Variants in ABCC11 observed in about 807,000 individuals in gnomAD.
ABCC11 encodes ATP-binding cassette sub-family C member 11.
A neutral mutation model predicts 149.3 loss-of-function variants in ABCC11; 135 were observed. The observed-to-expected ratio is 0.90, with a 90% CI of 0.79 to 1.04. The LOEUF (loss-of-function observed/expected upper bound fraction) is 1.04. ABCC11 is among the 50% of genes least tolerant of loss of function. ABCC11 has a pLI of 0.00. For synonymous variants in ABCC11, 665 were observed against 671.4 expected (o/e 0.99, Z 0.15); for missense variants, 1,680 against 1,722.1 (o/e 0.98, Z 0.43).
Position 48,166,653 on chromosome 16 carries a change from C to A in ABCC11, c.*621G>T, listed in dbSNP as rs553614099. The stretch of plus-strand genomic sequence containing the variant: ...CAGCACTTTGGGAGGCCAAGGCAAG[C>A]GGATCACTTGAGATCAGCCTGGCCA... On this transcript the variant is annotated 3_prime_UTR_variant, in exon 30 of 30. Coordinates refer to ENST00000356608, the MANE Select transcript of ABCC11 (RefSeq NM_001370497.1). Among the ~76,000 whole-genome samples the A allele has an allele frequency of 2.1e-4, 32 of 152,180 alleles. 1 individual carries two copies. In the South Asian group the frequency reaches 6.6e-3, roughly 32 times the overall value.
At chr16:48,236,094 AC>A (rs1374694868) in intron 1 of ABCC11, among the ~76,000 whole-genome samples, 1 of 152,042 alleles carries the variant, frequency 6.6e-6, no homozygotes, top group Non-Finnish European at 1.5e-5. Context: ...CTCCTCCTGT[AC>A]CTCGCCCTGT....
intron 1 of ABCC11, among the ~76,000 whole-genome samples, chr16:48,239,870 T>C (rs112399988): frequency 0.014 from 2,098 of 152,180 alleles, 49 homozygotes; most frequent in African/African-American, 0.048. Flanking sequence ...GCAAAGGACA[T>C]GAACAGACAC....
intron 11 of ABCC11, chr16:48,210,435 C>T (rs1968822499): frequency 6.5e-6 from 1 of 153,926 alleles, no homozygotes. Flanking sequence ...AGATCAATAT[C>T]TATATCTATT....
chr16:48,175,165 G>T, intron 26 of ABCC11, 93 bp downstream of exon 26: 1 of 1,476,002 alleles, frequency 6.8e-7, no homozygotes. Context: ...GGAAATCGGG[G>T]CATTGGTCAC....
At chr16:48,201,934 G>A (rs1250291270) in intron 14 of ABCC11, among the ~76,000 whole-genome samples, 1 of 152,186 alleles carries the variant, frequency 6.6e-6, no homozygotes, top group African/African-American at 2.4e-5. Context: ...ACTGCTTGAA[G>A]TCTCTGTAGA....
At position 48,186,981 on chromosome 16, in the gene ABCC11, A is replaced by C. The variant is rs370070344; in HGVS notation, c.3043T>G (p.Tyr1015Asp). The C allele has an allele frequency of 7.4e-6, 12 of 1,613,996 alleles. No homozygotes were observed. Among genetic ancestry groups the C allele is most frequent in the South Asian group, 1.1e-5 (1 of 91,070 alleles). The change falls in exon 22 of 30, where the codon TAT (tyrosine) becomes GAT (aspartate). Residue 1015 changes from tyrosine to aspartate, a missense_variant. Coordinates refer to ENST00000356608, the MANE Select transcript of ABCC11 (RefSeq NM_001370497.1). The stretch of plus-strand genomic sequence containing the variant: ...CTGATGAAGTCTTCAGTTTTTCCAT[A>C]GACATGGATGGAGCTCAGGCCTTGC... Reference protein sequence around the residue: ...SLQGLSSIHVYGKTEDFISQF... With the variant: ...SLQGLSSIHVDGKTEDFISQF...
intron 19 of ABCC11, among the ~76,000 whole-genome samples, chr16:48,193,443 A>T (rs915571049): frequency 1.3e-5 from 2 of 152,142 alleles, no homozygotes; most frequent in African/African-American, 4.8e-5. Context: ...GGAAAAATGG[A>T]GACAGTGGAA....
At chr16:48,229,533 C>T (rs1320349725) in intron 3 of ABCC11, among the ~76,000 whole-genome samples, 2 of 143,090 alleles carry the variant, frequency 1.4e-5, no homozygotes, top group African/African-American at 2.7e-5. Flanking sequence ...GGCGCAATCT[C>T]GGCTCACTGC....
Position 48,228,348 on chromosome 16 carries a change from C to A in ABCC11, c.237-384G>T, listed in dbSNP as rs746708130. The stretch of plus-strand genomic sequence containing the variant: ...GTGGCTCATGCCTATAATCCCAGCA[C>A]TTTGGGAGGCCGAGGAGGGTGGATC... On this transcript the variant is annotated intron_variant, in intron 3 of 29. Coordinates refer to ENST00000356608, the MANE Select transcript of ABCC11 (RefSeq NM_001370497.1). Among the ~76,000 whole-genome samples, 44 of 151,962 alleles carry A rather than the reference C, an allele frequency of 2.9e-4. 1 individual carries two copies. Among genetic ancestry groups the A allele is most frequent in the Admixed American group, 2.9e-3 (44 of 15,260 alleles).
chr16:48,247,231 A>T, intron 1 of ABCC11, 83 bp downstream of exon 1: 1 of 7,112 alleles, frequency 1.4e-4, no homozygotes, highest in Admixed American at 2.1e-3. Context: ...AAAAAAAAAA[A>T]AAAAAGGCTT....
chr16:48,179,642 G>A (rs992262146), intron 23 of ABCC11, among the ~76,000 whole-genome samples: 2 of 152,214 alleles, frequency 1.3e-5, no homozygotes, highest in African/African-American at 4.8e-5. Context: ...TGGAAAGGCA[G>A]ACAAGGCAAC....
chr16:48,188,243 AG>A (rs1966842385), intron 20 of ABCC11, among the ~76,000 whole-genome samples: 1 of 152,208 alleles, frequency 6.6e-6, no homozygotes, highest in Non-Finnish European at 1.5e-5. Flanking sequence ...ACTTCAGTAA[AG>A]CTGTTTTCTT....
At chr16:48,210,232 A>C (rs531784658) in intron 11 of ABCC11, 1 of 152,330 alleles carries the variant, frequency 6.6e-6, no homozygotes, top group East Asian at 1.9e-4. Flanking sequence ...GATATTAAAT[A>C]GGCAGTTGAG....
chr16:48,202,783 G>A (rs2150828715), intron 14 of ABCC11, among the ~76,000 whole-genome samples: 1 of 152,266 alleles, frequency 6.6e-6, no homozygotes, highest in Admixed American at 6.5e-5. Context: ...TATCAAGAAG[G>A]CAATGCCACT....
chr16:48,228,094 G>A (rs1970195578), intron 3 of ABCC11, 130 bp from the exon 4 acceptor site: 2 of 887,556 alleles, frequency 2.3e-6, no homozygotes, highest in African/African-American at 1.7e-5. Flanking sequence ...ACTCTTATTT[G>A]TAAGTTGAAA....
chr16:48,203,168 G>A (rs1226306486), intron 14 of ABCC11, 60 bp downstream of exon 14: 1 of 1,474,718 alleles, frequency 6.8e-7, no homozygotes, highest in African/African-American at 1.4e-5. Flanking sequence ...GCCTGGGGAG[G>A]CAGCATGAAC....
Position 48,222,699 on chromosome 16 carries a change from T to C in ABCC11, c.676A>G (p.Ile226Val), listed in dbSNP as rs756612533. The C allele has an allele frequency of 1.9e-6, 3 of 1,614,204 alleles. No individual in the cohort carries two copies. Among genetic ancestry groups the C allele is most frequent in the Non-Finnish European group, 2.5e-6 (3 of 1,180,036 alleles). Residue 226 changes from isoleucine (I) to valine (V), a missense_variant, in exon 6 of 30, where the codon ATC becomes GTC. Ile to Val is a conservative substitution (Grantham distance 29). Transcript: ENST00000356608. Reference protein sequence around the residue: ...KSLSFSSSWIINQRTAIRFRA... With the variant: ...KSLSFSSSWIVNQRTAIRFRA... ...AACCTGATGGCTGTGCGTTGGTTGATGATCCAACTGGAGGAGAAACTCAGA... is the reference window on the plus strand; with the variant it reads ...AACCTGATGGCTGTGCGTTGGTTGACGATCCAACTGGAGGAGAAACTCAGA...
intron 1 of ABCC11, among the ~76,000 whole-genome samples, chr16:48,243,746 C>G (rs1459310095): frequency 6.6e-6 from 1 of 152,158 alleles, no homozygotes; most frequent in Non-Finnish European, 1.5e-5. Flanking sequence ...AATCCCAGCA[C>G]TTTGGGAGGC....
chr16:48,168,901 G>A (rs1160751931), intron 28 of ABCC11, among the ~76,000 whole-genome samples: 1 of 152,142 alleles, frequency 6.6e-6, no homozygotes, highest in East Asian at 1.9e-4. Context: ...GTGGTGGGGG[G>A]CAAGGAAAGG....
Sources: gnomAD v4.1 joint callset for allele counts (sites outside exome capture counted in the v4.1 genomes callset) on GRCh38, gnomAD v4.1.1 for gene constraint, MANE v1.5 for transcripts, NCBI Gene and HGNC (gene_info 2026-07-23, HGNC 2026-07-21) for gene names.